The following ERAP2 variants were observed in gnomAD, a reference collection of about 807,000 sequenced individuals.
ERAP2 encodes leukocyte-derived arginine aminopeptidase.
ERAP2 carries 118 observed loss-of-function variants against 111.1 expected under a neutral mutation model. The observed-to-expected ratio is 1.06, with a 90% CI of 0.92 to 1.24. The LOEUF (loss-of-function observed/expected upper bound fraction) is 1.24. Ranked by LOEUF, ERAP2 falls within the 50% of genes most tolerant of loss-of-function variation. The pLI is 0.00. For missense variants in ERAP2, 1,131 were observed against 1,125.8 expected (o/e 1.00, Z -0.07); for synonymous variants, 410 against 401.2 (o/e 1.02, Z -0.26).
Position 96,901,611 on chromosome 5 carries a change from C to A in ERAP2, c.1678C>A (p.Arg560=). ...LVVKQDGCSL[R]LQQERFLQGV... is the part of the protein sequence containing the mutation. ...GGTTAAACAAGACGGGTGTTCACTC[C>A]GACTGCAACAGGAGCGCTTCCTCCA... Residue 560 remains arginine (R), a synonymous_variant, in exon 11 of 19, where the codon CGA becomes AGA. Coordinates refer to ENST00000437043, the MANE Select transcript of ERAP2 (RefSeq NM_022350.5). 6.2e-7 allele frequency: 1 copy of A among 1,614,114 alleles called. No individual in the cohort carries two copies. Among genetic ancestry groups the A allele is most frequent in the Non-Finnish European group, 8.5e-7 (1 of 1,179,980 alleles).
chr5:96,916,318 A>G (rs1787380803), intron 18 of ERAP2, among the ~76,000 whole-genome samples: 1 of 152,046 alleles, frequency 6.6e-6, no homozygotes, highest in South Asian at 2.1e-4. Context: ...AGCATTCAAA[A>G]TGAAAATAGA....
At position 96,917,459 on chromosome 5, in the gene ERAP2, C is replaced by T. The variant is rs749218090; in HGVS notation, c.2740-3C>T. The T allele has an allele frequency of 1.9e-6, 3 of 1,563,646 alleles. No individual in the cohort carries two copies. The highest frequency in any genetic ancestry group is 2.4e-5 in the East Asian group (1 of 41,440). ...AGTAATTTTTTTCTTCAATATTTTA[C>T]AGGTGAAACTATTTTTTGAATCTCT... is the stretch of plus-strand genomic sequence containing the variant. On this transcript the variant is annotated splice_region_variant and splice_polypyrimidine_tract_variant and intron_variant, in intron 18 of 18. Transcript: ENST00000437043.
chr5:96,887,072 A>ATT (rs1783806964), intron 4 of ERAP2, among the ~76,000 whole-genome samples: 1 of 61,702 alleles, frequency 1.6e-5, no homozygotes, highest in Non-Finnish European at 3.8e-5. Context: ...TAATTTTCAA[A>ATT]GTATATATAT....
At chr5:96,908,316 C>A (rs190864370) in intron 13 of ERAP2, among the ~76,000 whole-genome samples, 1 of 152,288 alleles carries the variant, frequency 6.6e-6, no homozygotes, top group Admixed American at 6.5e-5. Context: ...GTTTCCTCTA[C>A]AGAAGATGCC....
In ERAP2 at chr5:96,917,611, C is replaced by A; in HGVS notation, c.*6C>A. 2 of 1,593,906 alleles carry A rather than the reference C, an allele frequency of 1.3e-6. No individual in the cohort carries two copies. The highest frequency in any genetic ancestry group is 2.2e-5 in the South Asian group (2 of 90,220). ...GGCTAATGGTTAATACTTAAATGGTCAATAGAAAAAGTAGGCTGGGCGCGG... is the reference window on the plus strand; with the variant it reads ...GGCTAATGGTTAATACTTAAATGGTAAATAGAAAAAGTAGGCTGGGCGCGG... On this transcript the variant is annotated 3_prime_UTR_variant, in exon 19 of 19. Coordinates refer to ENST00000437043, the MANE Select transcript of ERAP2 (RefSeq NM_022350.5).
chr5:96,876,835 T>C (rs575922897), intron 1 of ERAP2, among the ~76,000 whole-genome samples: 9 of 152,214 alleles, frequency 5.9e-5, no homozygotes, highest in Non-Finnish European at 1.3e-4. Flanking sequence ...TAAGGTACAG[T>C]GCAGTATAAT....
chr5:96,895,719 C>T (rs556206701), intron 7 of ERAP2, among the ~76,000 whole-genome samples: 2 of 152,304 alleles, frequency 1.3e-5, no homozygotes, highest in South Asian at 4.1e-4. Context: ...CTGAAATCAA[C>T]ATCATTGGGG....
intron 9 of ERAP2, among the ~76,000 whole-genome samples, chr5:96,898,066 C>T (rs557045673): frequency 2.6e-5 from 4 of 152,208 alleles, no homozygotes; most frequent in Admixed American, 1.3e-4. Context: ...CATGGTGGTG[C>T]TTGCCTGTAA....
At position 96,887,388 on chromosome 5, in the gene ERAP2, C is replaced by T. The variant is rs1207194129; in HGVS notation, c.849+599C>T. Reference sequence around the variant, plus strand: ...CTATCTCGGCTCACTGCAATCTCCGCCTCCTGGATTCAAGCAATTCTCCTG... The same window carrying T: ...CTATCTCGGCTCACTGCAATCTCCGTCTCCTGGATTCAAGCAATTCTCCTG... On this transcript the variant is annotated intron_variant, in intron 4 of 18. Transcript: ENST00000437043. Among the ~76,000 whole-genome samples the T allele has an allele frequency of 7.9e-5, 12 of 151,256 alleles. No individual in the cohort carries two copies. In the East Asian group the frequency reaches 1.8e-3, roughly 22 times the overall value.
At chr5:96,912,840 C>CTAAATTGTTATAAGTAA (rs1786953740) in intron 16 of ERAP2, 42 bp downstream of exon 16, 1 of 1,519,164 alleles carries the variant, frequency 6.6e-7, no homozygotes, top group Non-Finnish European at 8.9e-7. Flanking sequence ...AGTAAACTGA[C>CTAAATTGTTATAAGTAA]ACAAATTCAG....
intron 3 of ERAP2, among the ~76,000 whole-genome samples, chr5:96,884,790 G>A (rs953553024): frequency 6.6e-6 from 1 of 152,096 alleles, no homozygotes; most frequent in African/African-American, 2.4e-5. Flanking sequence ...CAAACTCAGG[G>A]ACCCTGCAGG....
At chr5:96,883,485 T>C (rs1300820740) in intron 2 of ERAP2, among the ~76,000 whole-genome samples, 1 of 152,202 alleles carries the variant, frequency 6.6e-6, no homozygotes, top group Non-Finnish European at 1.5e-5. Context: ...ATTTCAGTCA[T>C]TTACTGGCTG....
Position 96,903,543 on chromosome 5 carries a change from T to C in ERAP2, c.1995T>C (p.Asp665=), listed in dbSNP as rs141724228. The C allele has an allele frequency of 1.1e-5, 18 of 1,605,054 alleles. No homozygotes were observed. The highest frequency in any genetic ancestry group is 1.5e-5 in the Non-Finnish European group (18 of 1,177,338). ...AGGACAGAGTAGGTCTGATTCATGA[T>C]GTGTTTCAGCTAGTTGGGTAAGGCA... is the stretch of plus-strand genomic sequence containing the variant. ...RPKDRVGLIH[D]VFQLVGAGRL... The change falls in exon 13 of 19, where the codon GAT becomes GAC. Residue 665 remains aspartate (D), a synonymous_variant. Transcript: ENST00000437043.
rs780076212 is a variant in ERAP2 at position 96,883,945 on chromosome 5, A to G, written c.714+15A>G. 6.5e-7 allele frequency: 1 copy of G among 1,549,204 alleles called. No homozygotes were observed. Among genetic ancestry groups the G allele is most frequent in the Non-Finnish European group, 8.7e-7 (1 of 1,149,998 alleles). ...ACATGCCAAAGGTATGTCCACTTCC[A>G]GAAACTTTTAGAAATTGTTCTCAAG... On this transcript the variant is annotated intron_variant, in intron 3 of 18. Coordinates refer to ENST00000437043, the MANE Select transcript of ERAP2 (RefSeq NM_022350.5).
At chr5:96,882,491 ATCTC>A (rs536924642) in intron 2 of ERAP2, among the ~76,000 whole-genome samples, 2 of 152,166 alleles carry the variant, frequency 1.3e-5, no homozygotes, top group Admixed American at 6.5e-5. Context: ...AATCTTATGA[ATCTC>A]TCTCTCTTTC....
At chr5:96,887,868 G>A (rs760577596) in intron 4 of ERAP2, among the ~76,000 whole-genome samples, 29 of 152,188 alleles carry the variant, frequency 1.9e-4, no homozygotes, top group Non-Finnish European at 3.7e-4. Flanking sequence ...GCTGATGCCT[G>A]TAATCCCAGC....
At chr5:96,883,293 C>T (rs1581793761) in intron 2 of ERAP2, among the ~76,000 whole-genome samples, 1 of 152,174 alleles carries the variant, frequency 6.6e-6, no homozygotes, top group African/African-American at 2.4e-5. Context: ...CACTCCCTTA[C>T]CTGTTTCTCC....
intron 9 of ERAP2, among the ~76,000 whole-genome samples, chr5:96,899,851 T>G (rs896709545): frequency 6.6e-6 from 1 of 152,206 alleles, no homozygotes; most frequent in Non-Finnish European, 1.5e-5. Context: ...TTCAACAAAT[T>G]GATTCTTCCT....
chr5:96,909,165 G>C (rs775742025), intron 14 of ERAP2, 48 bp downstream of exon 14: 1 of 1,577,368 alleles, frequency 6.3e-7, no homozygotes, highest in East Asian at 2.2e-5. Context: ...ACAGTGTCTG[G>C]AGTATCAGTC....
Sources: gnomAD v4.1 joint callset for allele counts (sites outside exome capture counted in the v4.1 genomes callset) on GRCh38, gnomAD v4.1.1 for gene constraint, MANE v1.5 for transcripts, NCBI Gene and HGNC (gene_info 2026-07-23, HGNC 2026-07-21) for gene names.